The following PCLAF variants were observed in gnomAD, a reference collection of about 807,000 sequenced individuals.
PCLAF encodes the protein PCNA-associated factor.
Under a neutral mutation model 15.1 loss-of-function variants are expected in PCLAF, and 12 were observed. The ratio of observed to expected loss-of-function variants is 0.79; its 90% CI spans 0.51 to 1.29. The LOEUF is 1.29. Ranked by LOEUF, PCLAF falls within the 50% of genes most tolerant of loss-of-function variation. The pLI is 0.00. For missense variants in PCLAF, 116 were observed against 130.9 expected, an observed-to-expected ratio of 0.89 and a Z score of 0.56; for synonymous variants, 33 against 47.1, an observed-to-expected ratio of 0.70 and a Z score of 1.22.
chr15:64,378,194 G>A (rs932255759), intron 2 of PCLAF, among the ~76,000 whole-genome samples: 1 of 152,022 alleles, frequency 6.6e-6, no homozygotes, highest in Admixed American at 6.6e-5. Context: ...CCAAAGTGCT[G>A]GGATTACAAG....
rs72758928 is a variant in PCLAF at position 64,365,485 on chromosome 15, C to A, written c.*545G>T. On this transcript the variant is annotated 3_prime_UTR_variant, in exon 4 of 4. Transcript: ENST00000300035. ...TTATCAACCGTTTAAACCCTCAAGA[C>A]CAAATTATCTTTACATTTTTTTAAA... The A allele has an allele frequency of 0.045, 6,932 of 154,822 alleles. 203 individuals are homozygous for A. The highest frequency in any genetic ancestry group is 0.085 in the South Asian group (423 of 4,982). The allele number at this position is 154,822 out of a possible 1,614,324, so 9.6% of individuals were successfully genotyped here. A position where few individuals can be genotyped will look rare whatever the true frequency, so the allele number is the denominator to read the frequency against.
chr15:64,386,816 A>G (rs570906972), intron 1 of PCLAF, among the ~76,000 whole-genome samples: 3 of 152,258 alleles, frequency 2.0e-5, no homozygotes, highest in African/African-American at 7.2e-5. Context: ...TGCCAATTTA[A>G]TGTGACCACT....
rs1280277314 is a variant in PCLAF, at chr15:64,370,404, G to A, written c.291-4329C>T. Among the ~76,000 whole-genome samples the A allele has an allele frequency of 4.0e-5, 6 of 149,764 alleles. No individual in the cohort carries two copies. The East Asian group carries it at 9.8e-4, about 24-fold the overall frequency. On this transcript the variant is annotated intron_variant, in intron 3 of 3. Transcript: ENST00000300035. ...TTTTTTTCAGACGGATTATCGCTCT[G>A]TTGCCCAGGCTGGAGTGCAATGGCA...
upstream of PCLAF, chr15:64,381,510 C>A: frequency 6.4e-7 from 1 of 1,554,924 alleles, no homozygotes; most frequent in South Asian, 1.2e-5. Context: ...TCTCCCGAGC[C>A]ACCGCTCCCA....
intron 2 of PCLAF, 29 bp from the exon 3 acceptor site, chr15:64,376,934 TAAGTGCTAATAATAC>T: frequency 6.4e-7 from 1 of 1,568,592 alleles, no homozygotes; most frequent in Non-Finnish European, 8.7e-7. Flanking sequence ...TGGAACTAGA[TAAGTGCTAATAATAC>T]AATCTCTATT....
chr15:64,373,518 G>A, intron 3 of PCLAF: 1 of 1,065,770 alleles, frequency 9.4e-7, no homozygotes, highest in South Asian at 2.5e-5. Context: ...AGATGTAGAA[G>A]GGCAAGCAAG....
chr15:64,376,945 A>C, intron 2 of PCLAF, 40 bp from the exon 3 acceptor site: 1 of 1,525,482 alleles, frequency 6.6e-7, no homozygotes, highest in African/African-American at 1.4e-5. Context: ...AAGTGCTAAT[A>C]ATACAATCTC....
At chr15:64,387,669 G>A in exon 1 of PCLAF, 1 of 1,409,072 alleles carries the variant, frequency 7.1e-7, no homozygotes, top group Non-Finnish European at 9.3e-7. Context: ...ACTCCGGAGG[G>A]CACAAGGAAG....
At chr15:64,370,082 T>C (rs1899216019) in intron 3 of PCLAF, among the ~76,000 whole-genome samples, 1 of 151,860 alleles carries the variant, frequency 6.6e-6, no homozygotes, top group Non-Finnish European at 1.5e-5. Context: ...AGTGTCCTTT[T>C]TTTTTTTTTT....
chr15:64,372,407 G>T (rs573524428), intron 3 of PCLAF, among the ~76,000 whole-genome samples: 8 of 152,124 alleles, frequency 5.3e-5, no homozygotes, highest in African/African-American at 1.9e-4. Context: ...AAGGTCAGGA[G>T]ATCAAGACCA....
chr15:64,380,812 C>G, intron 2 of PCLAF, 146 bp downstream of exon 2: 1 of 638,498 alleles, frequency 1.6e-6, no homozygotes, highest in Non-Finnish European at 2.7e-6. Context: ...CTACCCTAGC[C>G]GGCCAAAAGG....
At chr15:64,372,612 T>A (rs1438645125) in intron 3 of PCLAF, among the ~76,000 whole-genome samples, 2 of 144,630 alleles carry the variant, frequency 1.4e-5, no homozygotes. Flanking sequence ...AGACTCCATC[T>A]CAAAAAAAGA....
chr15:64,387,048 T>A (rs1358040844), intron 1 of PCLAF, among the ~76,000 whole-genome samples: 1 of 152,018 alleles, frequency 6.6e-6, no homozygotes, highest in African/African-American at 2.4e-5. Context: ...CAACTCCTGT[T>A]TTACTGTTTT....
rs549044195 is a variant in PCLAF, at chr15:64,369,820, A to G, written c.291-3745T>C. ...TCTATTTTTATCTAGTTTGTGTTCA[A>G]TGAAAATCCATTCCAAACACAATGT... On this transcript the variant is annotated intron_variant, in intron 3 of 3. Transcript: ENST00000300035. Among the ~76,000 whole-genome samples the G allele has an allele frequency of 2.0e-4, 31 of 152,304 alleles. No homozygotes were observed. The East Asian group carries it at 4.8e-3, about 24-fold the overall frequency.
chr15:64,378,601 T>A (rs1318904456), intron 2 of PCLAF, among the ~76,000 whole-genome samples: 1 of 152,152 alleles, frequency 6.6e-6, no homozygotes, highest in African/African-American at 2.4e-5. Flanking sequence ...CTTACAGGAA[T>A]GCTTTTACTA....
intron 3 of PCLAF, among the ~76,000 whole-genome samples, chr15:64,369,952 C>T (rs571470232): frequency 7.9e-5 from 12 of 152,242 alleles, no homozygotes; most frequent in African/African-American, 2.4e-4. Flanking sequence ...TGCTTGTTCC[C>T]ATGCAGGTTT....
At chr15:64,377,806 C>A (rs1215262547) in intron 2 of PCLAF, among the ~76,000 whole-genome samples, 1 of 121,072 alleles carries the variant, frequency 8.3e-6, no homozygotes, top group Non-Finnish European at 1.6e-5. Context: ...GGCTGGAGTG[C>A]AGTGGCGCAA....
chr15:64,376,941 T>G (rs1317084377), intron 2 of PCLAF, 36 bp from the exon 3 acceptor site: 2 of 1,547,862 alleles, frequency 1.3e-6, no homozygotes, highest in Non-Finnish European at 1.8e-6. Flanking sequence ...AGATAAGTGC[T>G]AATAATACAA....
At chr15:64,368,438 C>T (rs1899140742) in intron 3 of PCLAF, among the ~76,000 whole-genome samples, 2 of 152,150 alleles carry the variant, frequency 1.3e-5, no homozygotes, top group Admixed American at 1.3e-4. Context: ...ATAACCCAGA[C>T]TTCCTTTGTG....
Sources: gnomAD v4.1 joint callset for allele counts (sites outside exome capture counted in the v4.1 genomes callset) on GRCh38, gnomAD v4.1.1 for gene constraint, MANE v1.5 for transcripts, NCBI Gene and HGNC (gene_info 2026-07-23, HGNC 2026-07-21) for gene names.